RERE: variants seen among roughly 807,000 people sequenced by gnomAD.
The protein encoded by RERE is arginine-glutamic acid dipeptide repeats.
Under a neutral mutation model 146.1 loss-of-function variants are expected in RERE, and 40 were observed. The observed-to-expected ratio is 0.27, with a 90% CI of 0.21 to 0.36. The LOEUF is 0.36. RERE is among the 10% of genes least tolerant of loss of function. RERE has a pLI of 1.00. For missense variants in RERE, 1,933 were observed against 2,138.7 expected (o/e 0.90, Z 1.90); for synonymous variants, 1,003 against 866.0 (o/e 1.16, Z -2.78).
intron 10 of RERE, 39 bp from the exon 11 acceptor site, chr1:8,466,062 A>G (rs1644592348): frequency 6.5e-7 from 1 of 1,526,812 alleles, no homozygotes; most frequent in African/African-American, 1.4e-5. Flanking sequence ...ACTGCACCAA[A>G]TAACAGACAG....
At chr1:8,365,713 T>G in intron 13 of RERE, 99 bp downstream of exon 13, 2 of 1,382,924 alleles carry the variant, frequency 1.4e-6, no homozygotes, top group Non-Finnish European at 2.0e-6. Flanking sequence ...CACCCCCTCA[T>G]GCTTCCCGGA....
Position 8,359,778 on chromosome 1 carries a change from C to CCTCGCGCTCCCG in RERE, c.3592_3603dup (p.Arg1198_Glu1201dup). The CCTCGCGCTCCCG allele has an allele frequency of 6.2e-7, 1 of 1,600,888 alleles. No individual in the cohort carries two copies. On this transcript the variant is annotated inframe_insertion, in exon 19 of 23. Coordinates refer to ENST00000400908, the MANE Select transcript of RERE (RefSeq NM_001042681.2). Reference sequence around the variant, plus strand: ...CCTGGACTCACAGCCGCCCGCTCTGCCTCGCGCTCCCGCTCTCGCTCCCGC... The same window carrying CCTCGCGCTCCCG: ...CCTGGACTCACAGCCGCCCGCTCTGCCTCGCGCTCCCGCTCGCGCTCCCGCTCTCGCTCCCGC...
Position 8,355,181 on chromosome 1 carries a change from C to A in RERE, c.4668-61G>T. 8 of 1,551,078 alleles carry A rather than the reference C, an allele frequency of 5.2e-6. No individual in the cohort carries two copies. In the South Asian group the frequency reaches 7.8e-5, roughly 15 times the overall value. On this transcript the variant is annotated intron_variant, in intron 22 of 22. Transcript: ENST00000400908. ...AGGCCTAGGCAGGCAGTCACGCAGGCTGGAGGCAACCCCAAAGACAACAGC... is the reference window on the plus strand; with the variant it reads ...AGGCCTAGGCAGGCAGTCACGCAGGATGGAGGCAACCCCAAAGACAACAGC...
chr1:8,750,138 A>G (rs1051591205), intron 1 of RERE, among the ~76,000 whole-genome samples: 5 of 118,098 alleles, frequency 4.2e-5, no homozygotes, highest in Admixed American at 2.3e-4. Context: ...GTGACAGAAC[A>G]AGCCTCTGTC....
intron 1 of RERE, chr1:8,796,695 C>T (rs1436078521): frequency 6.6e-6 from 1 of 151,318 alleles, no homozygotes; most frequent in Non-Finnish European, 1.5e-5. Context: ...TGACTAAAAG[C>T]AAGCCAATGA....
chr1:8,736,871 A>AAAAAAAAAAAAAAC (rs1640211836), intron 1 of RERE, among the ~76,000 whole-genome samples: 1 of 148,904 alleles, frequency 6.7e-6, no homozygotes, highest in Non-Finnish European at 1.5e-5. Context: ...AAAAAAAAAA[A>AAAAAAAAAAAAAAC]AAAACTAAAA....
chr1:8,399,792 A>T (rs1304495975), intron 12 of RERE, among the ~76,000 whole-genome samples: 1 of 150,366 alleles, frequency 6.7e-6, no homozygotes, highest in African/African-American at 2.5e-5. Context: ...TTAATATTTT[A>T]TTATGTCTTT....
chr1:8,750,244 GCAC>G (rs557389631), intron 1 of RERE, among the ~76,000 whole-genome samples: 83 of 151,858 alleles, frequency 5.5e-4, no homozygotes, highest in South Asian at 1.0e-3. Context: ...ACCATGCCTG[GCAC>G]GTAGTCAGTA....
intron 1 of RERE, among the ~76,000 whole-genome samples, chr1:8,709,884 C>CTTATA (rs1175744168): frequency 2.0e-5 from 3 of 152,212 alleles, no homozygotes; most frequent in African/African-American, 7.2e-5. Flanking sequence ...AGCTGTACAA[C>CTTATA]TTATACTCTT....
rs563037245 is a variant in RERE at position 8,444,301 on chromosome 1, CTCTT to C, written c.1204-21498_1204-21495del. On this transcript the variant is annotated intron_variant, in intron 11 of 22. Transcript: ENST00000400908. Reference sequence around the variant, plus strand: ...TTAGGACTTGCATTGGGCTCAATGCCTCTTTCTTTTGACTGATTTCTACCTTTTG... The same window carrying C: ...TTAGGACTTGCATTGGGCTCAATGCCTCTTTTGACTGATTTCTACCTTTTG... Among the ~76,000 whole-genome samples the C allele has an allele frequency of 1.3e-4, 20 of 152,292 alleles. No homozygotes were observed. In the South Asian group the frequency reaches 3.9e-3, roughly 30 times the overall value.
At chr1:8,403,759 T>C (rs1311375695) in intron 12 of RERE, among the ~76,000 whole-genome samples, 1 of 151,856 alleles carries the variant, frequency 6.6e-6, no homozygotes, top group African/African-American at 2.4e-5. Flanking sequence ...TACCTTTATG[T>C]TTCCTTGTTA....
Position 8,541,292 on chromosome 1 carries a change from G to A in RERE, c.752C>T (p.Ser251Phe). ...LRGKCNISHF[S>F]DIFAAREFKA... ...AAACTCTCTAGCAGCAAATATGTCA[G>A]AAAAATGGGAGATGTTACACTTCCC... The change falls in exon 7 of 23, where the codon TCT (serine) becomes TTT (phenylalanine). Residue 251 changes from serine to phenylalanine, a missense_variant. Physicochemically the swap from Ser to Phe is radical, Grantham distance 155. Around this residue, in one of 11 missense-constraint regions of RERE, gnomAD observed 37 missense variants for 46.6 expected, o/e 0.79. Transcript: ENST00000400908. The A allele has an allele frequency of 6.2e-7, 1 of 1,608,554 alleles. No individual in the cohort carries two copies. The highest frequency in any genetic ancestry group is 1.7e-5 in the Admixed American group (1 of 59,462).
At chr1:8,395,928 A>G (rs1304261285) in intron 12 of RERE, among the ~76,000 whole-genome samples, 2 of 152,146 alleles carry the variant, frequency 1.3e-5, no homozygotes, top group African/African-American at 4.8e-5. Context: ...AACGAGGACC[A>G]ATTCTATTAT....
At chr1:8,742,439 G>A (rs1233245941) in intron 1 of RERE, among the ~76,000 whole-genome samples, 2 of 152,150 alleles carry the variant, frequency 1.3e-5, no homozygotes, top group Admixed American at 6.5e-5. Flanking sequence ...AGCCAAATCC[G>A]TAATAGTGAG....
At chr1:8,458,037 A>T (rs867745931) in intron 11 of RERE, among the ~76,000 whole-genome samples, 1 of 152,118 alleles carries the variant, frequency 6.6e-6, no homozygotes, top group African/African-American at 2.4e-5. Flanking sequence ...CCAGTTACCA[A>T]TGTAATATGT....
chr1:8,811,495 C>T (rs1347583443), intron 1 of RERE, among the ~76,000 whole-genome samples: 1 of 152,148 alleles, frequency 6.6e-6, no homozygotes, highest in African/African-American at 2.4e-5. Context: ...CCAGTCCCAG[C>T]TACTCGGGAG....
At chr1:8,656,925 G>A (rs1273494771) in intron 1 of RERE, among the ~76,000 whole-genome samples, 1 of 152,096 alleles carries the variant, frequency 6.6e-6, no homozygotes, top group Admixed American at 6.6e-5. Flanking sequence ...ACCAACCCTG[G>A]CAACAAAGCG....
chr1:8,581,293 ACT>A (rs1222045909), intron 4 of RERE, among the ~76,000 whole-genome samples: 4 of 151,936 alleles, frequency 2.6e-5, no homozygotes, highest in Admixed American at 6.6e-5. Flanking sequence ...TCTGTTTAAG[ACT>A]CTGTCAATTT....
In RERE at chr1:8,795,991, AAAAAAAACAAAAC is replaced by A. The variant is rs1459291464; in HGVS notation, c.-145+21156_-145+21168del. Among the ~76,000 whole-genome samples, 25 of 150,976 alleles carry A rather than the reference AAAAAAAACAAAAC, an allele frequency of 1.7e-4. No individual in the cohort carries two copies. The South Asian group carries it at 4.8e-3, about 29-fold the overall frequency. On this transcript the variant is annotated intron_variant, in intron 1 of 22. Coordinates refer to ENST00000400908, the MANE Select transcript of RERE (RefSeq NM_001042681.2). ...GAACGAAACTCCGTCTCAAAAAAAA[AAAAAAAACAAAAC>A]AAAACAGGAATTATGTAGCATATAT...
Sources: gnomAD v4.1 joint callset for allele counts (sites outside exome capture counted in the v4.1 genomes callset) on GRCh38, gnomAD v4.1.1 for gene constraint, gnomAD v4.1.1 regional missense constraint, MANE v1.5 for transcripts, NCBI Gene and HGNC (gene_info 2026-07-23, HGNC 2026-07-21) for gene names.